The following NTNG1 variants were observed in gnomAD, a reference collection of about 807,000 sequenced individuals.
The protein encoded by NTNG1 is netrin-G1.
NTNG1 carries 16 observed loss-of-function variants against 54.0 expected under a neutral mutation model. The ratio of observed to expected loss-of-function variants is 0.30; its 90% confidence interval spans 0.20 to 0.45. NTNG1 has a LOEUF of 0.45. NTNG1 is among the 20% of genes least tolerant of loss of function. The pLI, the probability that NTNG1 is intolerant of heterozygous loss-of-function variation, is 1.00. For missense variants in NTNG1, 530 were observed against 678.7 expected, an observed-to-expected ratio of 0.78 and a Z score of 2.43; for synonymous variants, 255 against 263.1, an observed-to-expected ratio of 0.97 and a Z score of 0.30.
intron 7 of NTNG1, among the ~76,000 whole-genome samples, chr1:107,474,495 A>G (rs983461114): frequency 6.6e-6 from 1 of 152,230 alleles, no homozygotes; most frequent in African/African-American, 2.4e-5. Context: ...ACTTGTGTTG[A>G]GAAGCATTTG....
intron 2 of NTNG1, among the ~76,000 whole-genome samples, chr1:107,247,545 T>C (rs1283493419): frequency 6.6e-6 from 1 of 152,200 alleles, no homozygotes; most frequent in Non-Finnish European, 1.5e-5. Context: ...CTCGAAAACA[T>C]GGACCTTCTC....
At chr1:107,401,441 G>A (rs956953219) in intron 4 of NTNG1, among the ~76,000 whole-genome samples, 2 of 152,054 alleles carry the variant, frequency 1.3e-5, no homozygotes, top group Non-Finnish European at 1.5e-5. Context: ...AACATCTTTA[G>A]GATTTTACAA....
intron 2 of NTNG1, among the ~76,000 whole-genome samples, chr1:107,180,375 T>C (rs1313277494): frequency 6.6e-6 from 1 of 152,136 alleles, no homozygotes; most frequent in Non-Finnish European, 1.5e-5. Flanking sequence ...TTTTTAAATC[T>C]AAAATTAATG....
At chr1:107,373,006 G>T (rs938893773) in intron 3 of NTNG1, among the ~76,000 whole-genome samples, 3 of 151,854 alleles carry the variant, frequency 2.0e-5, no homozygotes, top group Admixed American at 2.0e-4. Context: ...CCCTTTTCGT[G>T]GGCAGCATAT....
At chr1:107,386,289 C>T (rs1328205229) in intron 3 of NTNG1, among the ~76,000 whole-genome samples, 2 of 151,868 alleles carry the variant, frequency 1.3e-5, no homozygotes, top group East Asian at 3.9e-4. Flanking sequence ...TCTGTCTCAG[C>T]CCTCTGAGTA....
At chr1:107,412,052 C>T (rs1673850167) in intron 5 of NTNG1, among the ~76,000 whole-genome samples, 1 of 151,442 alleles carries the variant, frequency 6.6e-6, no homozygotes, top group African/African-American at 2.4e-5. Context: ...AGCAAATTAA[C>T]TTTATCATGT....
intron 5 of NTNG1, among the ~76,000 whole-genome samples, chr1:107,417,726 A>G (rs912609827): frequency 2.0e-5 from 3 of 152,104 alleles, no homozygotes; most frequent in Non-Finnish European, 4.4e-5. Flanking sequence ...GACTGGACTC[A>G]ATAGATGGTA....
chr1:107,361,603 G>A (rs1309882535), intron 3 of NTNG1, among the ~76,000 whole-genome samples: 1 of 151,454 alleles, frequency 6.6e-6, no homozygotes, highest in African/African-American at 2.4e-5. Flanking sequence ...GGTCAGGCTG[G>A]TCTCAAACTC....
intron 2 of NTNG1, among the ~76,000 whole-genome samples, chr1:107,242,125 T>C (rs1661872297): frequency 6.6e-6 from 1 of 151,892 alleles, no homozygotes; most frequent in Non-Finnish European, 1.5e-5. Context: ...AATACAAGCA[T>C]TATCTGAGCG....
intron 3 of NTNG1, among the ~76,000 whole-genome samples, chr1:107,387,681 G>A (rs181420908): frequency 6.6e-6 from 1 of 152,314 alleles, no homozygotes; most frequent in African/African-American, 2.4e-5. Context: ...CTTTGGAATT[G>A]ACTCTTGGCT....
chr1:107,180,119 T>C (rs1156447043), intron 2 of NTNG1, among the ~76,000 whole-genome samples: 1 of 152,172 alleles, frequency 6.6e-6, no homozygotes, highest in Non-Finnish European at 1.5e-5. Context: ...GGCAACAATA[T>C]AGGAATTGTA....
intron 3 of NTNG1, among the ~76,000 whole-genome samples, chr1:107,361,571 A>G (rs1007362414): frequency 2.0e-5 from 3 of 151,490 alleles, no homozygotes; most frequent in African/African-American, 7.3e-5. Flanking sequence ...TATTTTTAGT[A>G]GACATGAGGT....
At chr1:107,178,212 T>C (rs1011739196) in intron 2 of NTNG1, among the ~76,000 whole-genome samples, 2 of 152,196 alleles carry the variant, frequency 1.3e-5, no homozygotes, top group African/African-American at 4.8e-5. Flanking sequence ...GATCTATAAT[T>C]TTATTTTATT....
At chr1:107,249,549 C>T (rs761217605) in intron 2 of NTNG1, among the ~76,000 whole-genome samples, 25 of 151,426 alleles carry the variant, frequency 1.7e-4, no homozygotes, top group Non-Finnish European at 1.2e-4. Flanking sequence ...GTCTAAGACA[C>T]TATTATTTGC....
At chr1:107,298,495 G>C (rs1336571430) in intron 2 of NTNG1, among the ~76,000 whole-genome samples, 1 of 152,174 alleles carries the variant, frequency 6.6e-6, no homozygotes, top group Non-Finnish European at 1.5e-5. Flanking sequence ...TGCCATCCAA[G>C]AAGCTGTTTT....
intron 1 of NTNG1, chr1:107,143,257 A>T (rs1653868204): frequency 6.6e-6 from 1 of 152,100 alleles, no homozygotes; most frequent in Non-Finnish European, 1.5e-5. Flanking sequence ...GTTTCCTGTT[A>T]ATATTTTTGT....
At chr1:107,415,814 A>G (rs1674160043) in intron 5 of NTNG1, among the ~76,000 whole-genome samples, 1 of 152,132 alleles carries the variant, frequency 6.6e-6, no homozygotes, top group Admixed American at 6.6e-5. Flanking sequence ...CTTTCATTGG[A>G]ATTGGATGTG....
chr1:107,471,551 A>G (rs1299897633), intron 7 of NTNG1, among the ~76,000 whole-genome samples: 1 of 152,200 alleles, frequency 6.6e-6, no homozygotes, highest in Non-Finnish European at 1.5e-5. Flanking sequence ...AACACAGCTT[A>G]TTTATGTGCT....
intron 5 of NTNG1, among the ~76,000 whole-genome samples, chr1:107,428,763 C>G (rs988689850): frequency 2.0e-5 from 3 of 152,064 alleles, no homozygotes; most frequent in African/African-American, 7.2e-5. Flanking sequence ...GCTCTAGAAG[C>G]TTTTCTGACT....
Sources: gnomAD v4.1 joint callset for allele counts (sites outside exome capture counted in the v4.1 genomes callset) on GRCh38, gnomAD v4.1.1 for gene constraint, MANE v1.5 for transcripts, NCBI Gene and HGNC (gene_info 2026-07-23, HGNC 2026-07-21) for gene names.